DDR2: variants seen among roughly 807,000 people sequenced by gnomAD.
The protein encoded by DDR2 is discoidin domain receptor tyrosine kinase 2.
A neutral mutation model predicts 94.9 loss-of-function variants in DDR2; 27 were observed. That is an observed-to-expected ratio of 0.28 (90% CI 0.21 to 0.39). The LOEUF (loss-of-function observed/expected upper bound fraction) is 0.39. DDR2 is among the 10% of genes least tolerant of loss of function. The pLI is 1.00. For synonymous variants in DDR2, 382 were observed against 377.2 expected, an observed-to-expected ratio of 1.01 and a Z score of -0.15; for missense variants, 783 against 1,076.0, an observed-to-expected ratio of 0.73 and a Z score of 3.81.
intron 1 of DDR2, among the ~76,000 whole-genome samples, chr1:162,648,566 G>T: frequency 6.6e-6 from 1 of 152,176 alleles, no homozygotes; most frequent in East Asian, 1.9e-4. Context: ...AAGAAATCAA[G>T]TCAGGGAGAC....
chr1:162,696,199 CTT>C (rs34158006), intron 2 of DDR2, among the ~76,000 whole-genome samples: 14 of 112,630 alleles, frequency 1.2e-4, no homozygotes, highest in African/African-American at 3.2e-4. Flanking sequence ...GTTTCTTTTC[CTT>C]TTTTTTTTTT....
intron 1 of DDR2, among the ~76,000 whole-genome samples, chr1:162,651,156 C>A (rs1430640021): frequency 6.6e-6 from 1 of 152,186 alleles, no homozygotes; most frequent in Non-Finnish European, 1.5e-5. Context: ...CCAGGTTCAG[C>A]CTCACAGAGC....
chr1:162,719,035 A>G lies in DDR2; in HGVS notation c.-27-2A>G, dbSNP rs375244310. 1.2e-6 allele frequency: 2 copies of G among 1,613,478 alleles called. No individual in the cohort carries two copies. Among genetic ancestry groups the G allele is most frequent in the African/African-American group, 1.3e-5 (1 of 74,898 alleles). The stretch of plus-strand genomic sequence containing the variant: ...TTTTCTTGCATTATTGGTTGGTGGC[A>G]GACTCCAGTTCCAACACCATCTTCT... On this transcript the variant is annotated splice_acceptor_variant, in intron 2 of 17. Transcript: ENST00000367921. LOFTEE classifies it low-confidence loss of function (5UTR_SPLICE).
chr1:162,679,590 G>A (rs1321394949), intron 2 of DDR2, among the ~76,000 whole-genome samples: 1 of 152,064 alleles, frequency 6.6e-6, no homozygotes. Context: ...CTTTGCTATT[G>A]TGGATAGTGC....
chr1:162,717,813 A>T, intron 2 of DDR2, among the ~76,000 whole-genome samples: 1 of 152,192 alleles, frequency 6.6e-6, no homozygotes, highest in African/African-American at 2.4e-5. Context: ...ATCAATGTTG[A>T]TGTTAACCTT....
chr1:162,716,587 T>C (rs1157143763), intron 2 of DDR2, among the ~76,000 whole-genome samples: 1 of 152,196 alleles, frequency 6.6e-6, no homozygotes, highest in Non-Finnish European at 1.5e-5. Flanking sequence ...ACTATGCTCA[T>C]CACCCTTTGT....
chr1:162,754,755 A>G lies in DDR2; in HGVS notation c.317A>G (p.His106Arg), dbSNP rs902985089. The change falls in exon 5 of 18, where the codon CAT (histidine) becomes CGT (arginine). Residue 106 changes from histidine (H) to arginine (R), a missense_variant. By Grantham distance (29) the His-to-Arg change is conservative. Coordinates refer to ENST00000367921, the MANE Select transcript of DDR2 (RefSeq NM_006182.4). ...ACTCTGGTGGGGACCCAGGGGCGCC[A>G]TGCAGGAGGTCATGGCATCGAGTTT... is the stretch of plus-strand genomic sequence containing the variant. ...FITLVGTQGR[H>R]AGGHGIEFAP... The G allele has an allele frequency of 1.2e-6, 2 of 1,613,964 alleles. No individual in the cohort carries two copies. The highest frequency in any genetic ancestry group is 2.7e-5 in the African/African-American group (2 of 74,886).
intron 2 of DDR2, among the ~76,000 whole-genome samples, chr1:162,716,253 C>T (rs925464783): frequency 2.0e-5 from 3 of 152,018 alleles, no homozygotes; most frequent in African/African-American, 7.3e-5. Flanking sequence ...GAGAGAGGTG[C>T]CACAGGAGAG....
chr1:162,707,736 A>C (rs550160307), intron 2 of DDR2, among the ~76,000 whole-genome samples: 2 of 152,304 alleles, frequency 1.3e-5, no homozygotes, highest in Non-Finnish European at 2.9e-5. Context: ...TACGATTGCC[A>C]CCTCGACTGC....
chr1:162,755,002 G>T lies in DDR2; in HGVS notation c.417+147G>T, dbSNP rs139636069. 4,764 of 1,413,302 alleles carry T rather than the reference G, an allele frequency of 3.4e-3. 28 individuals are homozygous for T. Among genetic ancestry groups the T allele is most frequent in the Non-Finnish European group, 3.4e-3 (3,493 of 1,015,622 alleles). The allele number at this position is 1,413,302 out of a possible 1,614,324, so 87.5% of individuals were successfully genotyped here. On this transcript the variant is annotated intron_variant, in intron 5 of 17. Transcript: ENST00000367921. ...AAATGTGTGACCCAGGGTGAGGGAG[G>T]CAGGGAAGGAATATCAAGGCTGTGG...
chr1:162,667,271 C>T (rs1194087075), intron 2 of DDR2, among the ~76,000 whole-genome samples: 1 of 152,142 alleles, frequency 6.6e-6, no homozygotes, highest in African/African-American at 2.4e-5. Flanking sequence ...TTATTATTCT[C>T]TTTACTCATA....
At chr1:162,700,128 A>G (rs532175647) in intron 2 of DDR2, among the ~76,000 whole-genome samples, 11 of 152,326 alleles carry the variant, frequency 7.2e-5, no homozygotes, top group African/African-American at 2.6e-4. Context: ...TGTCTAGCAC[A>G]TTTACAGTGA....
chr1:162,634,839 A>G (rs1656737414), intron 1 of DDR2, among the ~76,000 whole-genome samples: 1 of 152,130 alleles, frequency 6.6e-6, no homozygotes, highest in Admixed American at 6.5e-5. Flanking sequence ...ACATTTGAGG[A>G]GCTTCGTATC....
chr1:162,717,849 G>A (rs558845476), intron 2 of DDR2, among the ~76,000 whole-genome samples: 67 of 152,158 alleles, frequency 4.4e-4, no homozygotes, highest in Non-Finnish European at 4.7e-4. Context: ...GGAAGTGTTT[G>A]TCAGATTTCT....
chr1:162,677,578 A>G (rs1659195346), intron 2 of DDR2, among the ~76,000 whole-genome samples: 1 of 152,138 alleles, frequency 6.6e-6, no homozygotes, highest in Non-Finnish European at 1.5e-5. Flanking sequence ...AGGTGGGGGG[A>G]TGCAAGGGAG....
At chr1:162,631,356 A>C (rs1209989822), upstream of DDR2, 1 of 152,198 alleles carries the variant, frequency 6.6e-6, no homozygotes, top group Non-Finnish European at 1.5e-5. Context: ...GAGACTGTGC[A>C]ATCCCAGATT....
chr1:162,666,212 C>T (rs546284648), intron 2 of DDR2, among the ~76,000 whole-genome samples: 7 of 152,076 alleles, frequency 4.6e-5, no homozygotes, highest in Admixed American at 1.3e-4. Context: ...ATTTACTCTC[C>T]TCTCTCTCTC....
rs1222491938 is a variant in DDR2 at position 162,780,908 on chromosome 1, T to C, written c.*662T>C. On this transcript the variant is annotated 3_prime_UTR_variant, in exon 18 of 18. Transcript: ENST00000367921. ...TTCATATATGAAACAACTGGGGATG[T>C]AGATAGGAAAGAATGTCTGCTGCAA... 6.6e-6 allele frequency: 1 copy of C among 152,292 alleles called. No homozygotes were observed. Among genetic ancestry groups the C allele is most frequent in the African/African-American group, 2.4e-5 (1 of 41,318 alleles). 9.4% of individuals were successfully genotyped at this position (152,292 alleles called of 1,614,324 possible).
chr1:162,666,502 A>T (rs1477773610), intron 2 of DDR2, among the ~76,000 whole-genome samples: 1 of 152,190 alleles, frequency 6.6e-6, no homozygotes, highest in African/African-American at 2.4e-5. Flanking sequence ...GCTCTGACTT[A>T]CTAGTTATGT....
Sources: allele counts gnomAD v4.1 joint callset (sites outside exome capture counted in the v4.1 genomes callset), GRCh38; gene constraint gnomAD v4.1.1; transcripts MANE v1.5; gene names NCBI Gene and HGNC (gene_info 2026-07-23, HGNC 2026-07-21).